CS: variants seen among roughly 807,000 people sequenced by gnomAD.
The protein encoded by CS is citrate synthase.
CS carries 13 observed loss-of-function variants against 61.4 expected under a neutral mutation model. The ratio of observed to expected loss-of-function variants is 0.21; its 90% CI spans 0.14 to 0.34. CS has a LOEUF of 0.34. CS is among the 10% of genes least tolerant of loss of function. The pLI is 1.00. For synonymous variants in CS, 159 were observed against 215.2 expected, an observed-to-expected ratio of 0.74 and a Z score of 2.29; for missense variants, 278 against 573.4, an observed-to-expected ratio of 0.48 and a Z score of 5.26.
At chr12:56,279,777 C>A (rs1249892684) in intron 6 of CS, among the ~76,000 whole-genome samples, 3 of 143,048 alleles carry the variant, frequency 2.1e-5, no homozygotes, top group African/African-American at 5.2e-5. Context: ...AAAAAAAAAC[C>A]AAAAAAAAAC....
chr12:56,279,698 G>A (rs1389427447), intron 6 of CS, among the ~76,000 whole-genome samples: 2 of 151,412 alleles, frequency 1.3e-5, no homozygotes, highest in African/African-American at 2.4e-5. Context: ...CCAGGGAGGC[G>A]GAGCTTGCAA....
At chr12:56,286,543 G>T in intron 2 of CS, 52 bp downstream of exon 2, 1 of 1,567,588 alleles carries the variant, frequency 6.4e-7, no homozygotes, top group Non-Finnish European at 8.8e-7. Context: ...CTGCCCCAAG[G>T]TCAGGCTGGC....
At chr12:56,297,954 T>C (rs1349673040) in intron 1 of CS, among the ~76,000 whole-genome samples, 1 of 152,120 alleles carries the variant, frequency 6.6e-6, no homozygotes, top group East Asian at 1.9e-4. Context: ...TCTCAGGAGA[T>C]TTCCAGTCCA....
In CS at chr12:56,290,467, C is replaced by T. The variant is rs1873086026; in HGVS notation, c.43-3822G>A. Among the ~76,000 whole-genome samples the T allele has an allele frequency of 3.9e-5, 6 of 152,294 alleles. No homozygotes were observed. The South Asian group carries it at 1.2e-3, about 32-fold the overall frequency. Reference sequence around the variant, plus strand: ...ACCTCGTGATCCACCACCTCGGCCTCCCAAAGTGCTGGGATTACAGGCGTG... The same window carrying T: ...ACCTCGTGATCCACCACCTCGGCCTTCCAAAGTGCTGGGATTACAGGCGTG... On this transcript the variant is annotated intron_variant, in intron 1 of 10. Coordinates refer to ENST00000351328, the MANE Select transcript of CS (RefSeq NM_004077.3).
chr12:56,283,720 C>T, intron 4 of CS, 72 bp downstream of exon 4: 1 of 1,139,326 alleles, frequency 8.8e-7, no homozygotes, highest in Non-Finnish European at 1.3e-6. Context: ...CTTACCCTTA[C>T]TGGTCTAATC....
chr12:56,274,973 T>G (rs1338429711), intron 8 of CS, 29 bp downstream of exon 8: 3 of 1,612,948 alleles, frequency 1.9e-6, no homozygotes, highest in Non-Finnish European at 2.5e-6. Context: ...GGAAAACATG[T>G]AGCAGGAAAA....
rs1437168957 is a variant in CS at position 56,272,017 on chromosome 12, T to C, written c.*1067A>G. ...AGATGTTGATAAATAAGGAGGCAAT[T>C]TCTTGAGGCAGGGGACGAGGAGGGA... On this transcript the variant is annotated 3_prime_UTR_variant, in exon 11 of 11. Coordinates refer to ENST00000351328, the MANE Select transcript of CS (RefSeq NM_004077.3). 8.4e-5 allele frequency: 35 copies of C among 418,448 alleles called. No individual in the cohort carries two copies. In the Admixed American group the frequency reaches 9.4e-4, roughly 11 times the overall value. 25.9% of individuals were successfully genotyped at this position (418,448 alleles called of 1,614,324 possible).
At chr12:56,299,925 C>T in intron 1 of CS, 2 of 471,632 alleles carry the variant, frequency 4.2e-6, no homozygotes, top group South Asian at 4.8e-5. Flanking sequence ...GGCCTCCTCA[C>T]GCGTTCTGGA....
intron 6 of CS, among the ~76,000 whole-genome samples, chr12:56,278,004 T>G (rs1289956418): frequency 2.0e-5 from 3 of 152,210 alleles, no homozygotes; most frequent in Non-Finnish European, 4.4e-5. Context: ...TTTTCTTTTC[T>G]TACAATAATC....
rs1872546691 is a variant in CS at position 56,272,793 on chromosome 12, G to A, written c.*291C>T. 2 of 237,488 alleles carry A rather than the reference G, an allele frequency of 8.4e-6. No individual in the cohort carries two copies. The highest frequency in any genetic ancestry group is 1.6e-5 in the Non-Finnish European group (2 of 122,774). The allele number at this position is 237,488 out of a possible 1,614,324, so 14.7% of individuals were successfully genotyped here. On this transcript the variant is annotated 3_prime_UTR_variant, in exon 11 of 11. Transcript: ENST00000351328. ...AAACAGGAGCCAGATTCTCACTCTA[G>A]AGATAGTGAGGGGGCCAAACCTACT...
chr12:56,298,579 C>T, intron 1 of CS: 1 of 976,844 alleles, frequency 1.0e-6, no homozygotes, highest in Non-Finnish European at 1.2e-6. Flanking sequence ...CTATCTAGAA[C>T]TTGCTTCATT....
At chr12:56,294,721 C>T (rs1464108308) in intron 1 of CS, among the ~76,000 whole-genome samples, 2 of 151,546 alleles carry the variant, frequency 1.3e-5, no homozygotes, top group African/African-American at 4.8e-5. Flanking sequence ...TGCCTGCCAC[C>T]ATGCCCAGCC....
intron 6 of CS, among the ~76,000 whole-genome samples, chr12:56,281,148 G>T (rs1177897036): frequency 1.3e-5 from 2 of 152,126 alleles, no homozygotes; most frequent in African/African-American, 4.8e-5. Flanking sequence ...TAATGTACCT[G>T]CTTTGTAAAA....
intron 1 of CS, among the ~76,000 whole-genome samples, chr12:56,299,169 G>A (rs184309471): frequency 2.6e-4 from 39 of 152,258 alleles, no homozygotes; most frequent in Middle Eastern, 3.4e-3. Flanking sequence ...GGTCACTTGT[G>A]GGACTGTCCC....
intron 1 of CS, among the ~76,000 whole-genome samples, chr12:56,290,878 G>A (rs1169873965): frequency 6.6e-6 from 1 of 152,124 alleles, no homozygotes; most frequent in East Asian, 1.9e-4. Flanking sequence ...ATATGCAAAA[G>A]TAGTCAAGTC....
chr12:56,295,238 C>A lies in CS; in HGVS notation c.42+4922G>T, dbSNP rs141666427. On this transcript the variant is annotated intron_variant, in intron 1 of 10. Coordinates refer to ENST00000351328, the MANE Select transcript of CS (RefSeq NM_004077.3). ...CATCATGCCTAGCTAATAAATATTT[C>A]TTGGCCGGGCACGGTGGCTCATGCC... 6.3e-3 allele frequency among the ~76,000 whole-genome samples: 964 copies of A among 151,898 alleles called. 8 individuals carry two copies. Among genetic ancestry groups the A allele is most frequent in the African/African-American group, 0.022 (903 of 41,424 alleles).
intron 1 of CS, among the ~76,000 whole-genome samples, chr12:56,292,794 C>T (rs1175997003): frequency 1.3e-5 from 2 of 150,014 alleles, no homozygotes; most frequent in African/African-American, 2.4e-5. Context: ...GTCCCAGCTA[C>T]TCAGGAGGCT....
Position 56,286,740 on chromosome 12 carries a change from A to C in CS, c.43-95T>G, listed in dbSNP as rs1872951291. On this transcript the variant is annotated intron_variant, in intron 1 of 10. Coordinates refer to ENST00000351328, the MANE Select transcript of CS (RefSeq NM_004077.3). The stretch of plus-strand genomic sequence containing the variant: ...ACAGTGACTCAACCTCTCTCTCTTC[A>C]TCTCAGTCTCTTAGGGCAGTTTGAC... 2.7e-6 allele frequency: 3 copies of C among 1,115,660 alleles called. No individual in the cohort carries two copies. The African/African-American group carries it at 4.7e-5, about 17-fold the overall frequency. 69.1% of individuals were successfully genotyped at this position (1,115,660 alleles called of 1,614,324 possible). A position where few individuals can be genotyped will look rare whatever the true frequency, so the allele number is the denominator to read the frequency against.
At chr12:56,277,657 T>G (rs1872662638) in intron 6 of CS, among the ~76,000 whole-genome samples, 1 of 146,390 alleles carries the variant, frequency 6.8e-6, no homozygotes. Flanking sequence ...TTGAGATGGA[T>G]TCTCGCTCTG....
Sources: gnomAD v4.1 joint callset for allele counts (sites outside exome capture counted in the v4.1 genomes callset) on GRCh38, gnomAD v4.1.1 for gene constraint, MANE v1.5 for transcripts, NCBI Gene and HGNC (gene_info 2026-07-23, HGNC 2026-07-21) for gene names.